The following KCNK10 variants were observed in gnomAD, a reference collection of about 807,000 sequenced individuals.
KCNK10 encodes the protein potassium two pore domain channel subfamily K member 10, also known as potassium channel subfamily K member 10.
KCNK10 carries 25 observed loss-of-function variants against 47.7 expected under a neutral mutation model. That is an observed-to-expected ratio of 0.52 (90% CI 0.38 to 0.73). The LOEUF (loss-of-function observed/expected upper bound fraction) is 0.73. Among genes scored for constraint, KCNK10 ranks in the 30% least tolerant of loss-of-function variants. The probability of loss-of-function intolerance (pLI) is 0.00; values close to 1 mark genes in which losing one functional copy is unlikely to be tolerated. For missense variants in KCNK10, 563 were observed against 714.5 expected (o/e 0.79, Z 2.42); for synonymous variants, 303 against 285.6 (o/e 1.06, Z -0.61).
chr14:88,231,347 C>T (rs975112610), intron 3 of KCNK10, among the ~76,000 whole-genome samples: 6 of 152,192 alleles, frequency 3.9e-5, no homozygotes, highest in Admixed American at 3.3e-4. Flanking sequence ...ACAGGTGCCT[C>T]GATAGTTTGA....
chr14:88,187,633 A>AC (rs1884612388), intron 6 of KCNK10, among the ~76,000 whole-genome samples: 1 of 132,410 alleles, frequency 7.6e-6, no homozygotes, highest in African/African-American at 2.9e-5. Flanking sequence ...GCACCCCCCC[A>AC]CACACACACT....
chr14:88,232,874 C>T (rs1886194180), intron 3 of KCNK10, among the ~76,000 whole-genome samples: 1 of 152,170 alleles, frequency 6.6e-6, no homozygotes, highest in Non-Finnish European at 1.5e-5. Context: ...CAGTGTCCTG[C>T]CTCCCACCAC....
chr14:88,257,424 A>G (rs1886988546), intron 2 of KCNK10, among the ~76,000 whole-genome samples: 1 of 152,218 alleles, frequency 6.6e-6, no homozygotes, highest in Non-Finnish European at 1.5e-5. Flanking sequence ...TCAAATCTGG[A>G]ACTGATTAGT....
chr14:88,270,101 C>T (rs1887366091), intron 1 of KCNK10, among the ~76,000 whole-genome samples: 1 of 152,184 alleles, frequency 6.6e-6, no homozygotes, highest in East Asian at 1.9e-4. Context: ...CTCCCCCCTC[C>T]CCGCAGCCGA....
chr14:88,192,448 G>A, intron 4 of KCNK10, 38 bp from the exon 5 acceptor site: 4 of 1,561,914 alleles, frequency 2.6e-6, no homozygotes, highest in Non-Finnish European at 3.5e-6. Flanking sequence ...CAAGTCAGCG[G>A]CATCACCCTG....
intron 1 of KCNK10, among the ~76,000 whole-genome samples, chr14:88,293,280 C>T (rs1286403364): frequency 6.6e-6 from 1 of 152,184 alleles, no homozygotes; most frequent in African/African-American, 2.4e-5. Flanking sequence ...GCTCTACCCT[C>T]TAAATTCCAG....
chr14:88,312,728 A>G (rs1337710063), intron 1 of KCNK10, among the ~76,000 whole-genome samples: 1 of 152,180 alleles, frequency 6.6e-6, no homozygotes, highest in African/African-American at 2.4e-5. Context: ...TCTTTTTTTT[A>G]AATTAATGTT....
chr14:88,252,981 G>A lies in KCNK10; in HGVS notation c.402+10221C>T, dbSNP rs28497396. On this transcript the variant is annotated intron_variant, in intron 2 of 6. Coordinates refer to ENST00000319231, the MANE Select transcript of KCNK10 (RefSeq NM_138317.3). ...CTCTAAGCCCACCGTGTCAAGCCAA[G>A]GAGAGTACGATTAAGAGAGCGTGGC... 6.1e-3 allele frequency among the ~76,000 whole-genome samples: 929 copies of A among 152,244 alleles called. 10 individuals carry two copies. The highest frequency in any genetic ancestry group is 0.021 in the African/African-American group (890 of 41,534).
chr14:88,210,855 C>G (rs931787256), intron 4 of KCNK10, among the ~76,000 whole-genome samples: 6 of 146,932 alleles, frequency 4.1e-5, no homozygotes, highest in African/African-American at 1.5e-4. Context: ...CAGAAAAAAG[C>G]AAGTGTTGGT....
At chr14:88,293,073 T>C (rs886587179) in intron 1 of KCNK10, among the ~76,000 whole-genome samples, 2 of 152,212 alleles carry the variant, frequency 1.3e-5, no homozygotes, top group African/African-American at 4.8e-5. Flanking sequence ...GTATTTCTGG[T>C]GTATCATCCA....
At position 88,202,779 on chromosome 14, in the gene KCNK10, T is replaced by A. The variant is rs536181908; in HGVS notation, c.682-10369A>T. ...TGGGAGGGACGAGATCTTCCTAGAG[T>A]CTTCCGGTTGCGGGGGGTGGGTGGT... On this transcript the variant is annotated intron_variant, in intron 4 of 6. Transcript: ENST00000319231. Among the ~76,000 whole-genome samples the A allele has an allele frequency of 2.7e-5, 4 of 149,564 alleles. No individual in the cohort carries two copies. The East Asian group carries it at 6.0e-4, about 22-fold the overall frequency.
At position 88,212,105 on chromosome 14, in the gene KCNK10, T is replaced by G. The variant is rs1443045642; in HGVS notation, c.681+15270A>C. Among the ~76,000 whole-genome samples the G allele has an allele frequency of 1.7e-5, 2 of 115,360 alleles. 1 individual carries two copies. The highest frequency in any genetic ancestry group is 5.6e-4 in the South Asian group (2 of 3,552). 75.7% of individuals were successfully genotyped at this position (115,360 alleles called of 152,430 possible). A position where few individuals can be genotyped will look rare whatever the true frequency, so the allele number is the denominator to read the frequency against. The stretch of plus-strand genomic sequence containing the variant: ...TAGAACTTTTGGTACTAACTGATAG[T>G]GAGAATATATATATATATATATATA... On this transcript the variant is annotated intron_variant, in intron 4 of 6. Coordinates refer to ENST00000319231, the MANE Select transcript of KCNK10 (RefSeq NM_138317.3).
chr14:88,223,308 CTTTTTTT>C (rs77234836), intron 4 of KCNK10, among the ~76,000 whole-genome samples: 2 of 135,076 alleles, frequency 1.5e-5, no homozygotes, highest in African/African-American at 5.5e-5. Flanking sequence ...CTTTAAAAAC[CTTTTTTT>C]TTTTTTTTTG....
At chr14:88,189,329 G>A (rs1436045766) in intron 5 of KCNK10, among the ~76,000 whole-genome samples, 2 of 152,120 alleles carry the variant, frequency 1.3e-5, no homozygotes, top group African/African-American at 4.8e-5. Flanking sequence ...GCTGCTTTTG[G>A]TTTTTCCTTT....
intron 1 of KCNK10, among the ~76,000 whole-genome samples, chr14:88,300,186 T>C (rs141348372): frequency 6.6e-6 from 1 of 152,258 alleles, no homozygotes; most frequent in Non-Finnish European, 1.5e-5. Context: ...ATGCACCATC[T>C]TACCAGTGCT....
At chr14:88,271,177 A>G (rs916738394) in intron 1 of KCNK10, among the ~76,000 whole-genome samples, 3 of 152,198 alleles carry the variant, frequency 2.0e-5, no homozygotes, top group Non-Finnish European at 4.4e-5. Flanking sequence ...ATATTATAAG[A>G]TGCCCTTCCT....
upstream of KCNK10, chr14:88,326,616 G>A: frequency 3.3e-6 from 2 of 610,448 alleles, no homozygotes; most frequent in Non-Finnish European, 5.7e-6. Context: ...TGCACTCGCC[G>A]GCCCCCAGCA....
chr14:88,301,782 C>A (rs1384984810), intron 1 of KCNK10, among the ~76,000 whole-genome samples: 4 of 152,094 alleles, frequency 2.6e-5, no homozygotes, highest in African/African-American at 9.7e-5. Context: ...AGGAGGTCAG[C>A]ACAGCCAGCA....
upstream of KCNK10, chr14:88,326,317 A>T: frequency 1.1e-6 from 1 of 918,054 alleles, no homozygotes; most frequent in Non-Finnish European, 1.8e-6. Flanking sequence ...GGATGGAGGG[A>T]GACCTCCCTC....
Sources: gnomAD v4.1 joint callset for allele counts (sites outside exome capture counted in the v4.1 genomes callset) on GRCh38, gnomAD v4.1.1 for gene constraint, MANE v1.5 for transcripts, NCBI Gene and HGNC (gene_info 2026-07-23, HGNC 2026-07-21) for gene names.